EPHB2: variants seen among roughly 807,000 people sequenced by gnomAD.
EPHB2 encodes ephrin type-B receptor 2.
A neutral mutation model predicts 96.4 loss-of-function variants in EPHB2; 18 were observed. The ratio of observed to expected loss-of-function variants is 0.19; its 90% confidence interval spans 0.13 to 0.28. EPHB2 has a LOEUF of 0.28. Among genes scored for constraint, EPHB2 ranks in the 10% least tolerant of loss-of-function variants. EPHB2 has a pLI of 1.00. For synonymous variants in EPHB2, 506 were observed against 534.1 expected, an observed-to-expected ratio of 0.95 and a Z score of 0.72; for missense variants, 989 against 1,355.4, an observed-to-expected ratio of 0.73 and a Z score of 4.25.
intron 9 of EPHB2, among the ~76,000 whole-genome samples, chr1:22,899,666 T>C (rs1639687712): frequency 6.6e-6 from 1 of 152,130 alleles, no homozygotes; most frequent in South Asian, 2.1e-4. Flanking sequence ...CACATTTAAC[T>C]ACACAGAAAT....
At chr1:22,845,511 C>T (rs1251542980) in intron 3 of EPHB2, among the ~76,000 whole-genome samples, 1 of 152,116 alleles carries the variant, frequency 6.6e-6, no homozygotes, top group African/African-American at 2.4e-5. Context: ...AGTTGCCTCC[C>T]GACTCCTCAT....
rs548659891 is a variant in EPHB2 at position 22,919,788 on chromosome 1, C to T, written c.*6218C>T. 3.3e-5 allele frequency: 5 copies of T among 152,300 alleles called. No homozygotes were observed. The highest frequency in any genetic ancestry group is 1.3e-4 in the Admixed American group (2 of 15,298). 9.4% of individuals were successfully genotyped at this position (152,300 alleles called of 1,614,324 possible). On this transcript the variant is annotated 3_prime_UTR_variant, in exon 16 of 16. Coordinates refer to ENST00000374630, the MANE Select transcript of EPHB2 (RefSeq NM_017449.5). ...AGACTGCAAGAGTCATGAATTCTAA[C>T]GTTCCACAGGTGAAAGATTCCAAGA... is the stretch of plus-strand genomic sequence containing the variant.
At position 22,861,477 on chromosome 1, in the gene EPHB2, A is replaced by C. The variant is rs186157521; in HGVS notation, c.812-1560A>C. The stretch of plus-strand genomic sequence containing the variant: ...ACATAGTGAGACCCCCCATCTCTAC[A>C]AAAATAAAAATAAAATTAATAACAA... On this transcript the variant is annotated intron_variant, in intron 3 of 15. Transcript: ENST00000374630. Among the ~76,000 whole-genome samples the C allele has an allele frequency of 4.1e-3, 626 of 152,280 alleles. 2 individuals are homozygous for C. Among genetic ancestry groups the C allele is most frequent in the Middle Eastern group, 0.024 (7 of 294 alleles).
intron 3 of EPHB2, 126 bp from the exon 4 acceptor site, chr1:22,862,911 T>C: frequency 7.9e-7 from 1 of 1,272,728 alleles, no homozygotes; most frequent in Non-Finnish European, 1.1e-6. Context: ...GAGATGAGAT[T>C]TTCCAGCAGT....
At chr1:22,862,519 G>C (rs1638297634) in intron 3 of EPHB2, among the ~76,000 whole-genome samples, 1 of 152,178 alleles carries the variant, frequency 6.6e-6, no homozygotes, top group Admixed American at 6.5e-5. Flanking sequence ...AAAAGGCCTA[G>C]CCAGTACTCA....
chr1:22,887,328 A>G (rs1328640556), intron 6 of EPHB2, among the ~76,000 whole-genome samples: 1 of 152,162 alleles, frequency 6.6e-6, no homozygotes, highest in Non-Finnish European at 1.5e-5. Flanking sequence ...GCAAGTCCAC[A>G]GCCGGCTGTT....
At chr1:22,856,274 A>T (rs1005965793) in intron 3 of EPHB2, among the ~76,000 whole-genome samples, 7 of 152,204 alleles carry the variant, frequency 4.6e-5, no homozygotes, top group African/African-American at 1.4e-4. Context: ...CTCAGGGCTC[A>T]CTTGGTCAAT....
At chr1:22,799,330 G>T (rs1644810133) in intron 3 of EPHB2, among the ~76,000 whole-genome samples, 1 of 152,132 alleles carries the variant, frequency 6.6e-6, no homozygotes, top group African/African-American at 2.4e-5. Context: ...ACACCCACAA[G>T]CAGGAAGGTT....
At position 22,865,112 on chromosome 1, in the gene EPHB2, C is replaced by T; in HGVS notation, c.1203C>T (p.His401=). Residue 401 remains histidine (H), a synonymous_variant, in exon 5 of 16, where the codon CAC becomes CAT. Coordinates refer to ENST00000374630, the MANE Select transcript of EPHB2 (RefSeq NM_017449.5). ...PRIYISDLLA[H]TQYTFEIQAV... is the part of the protein sequence containing the mutation. ...TTTACATCAGTGACCTGCTGGCCCA[C>T]ACCCAGTACACCTTCGAGATCCAGG... 6.2e-7 allele frequency: 1 copy of T among 1,614,256 alleles called. No individual in the cohort carries two copies. Among genetic ancestry groups the T allele is most frequent in the Non-Finnish European group, 8.5e-7 (1 of 1,180,044 alleles).
intron 1 of EPHB2, among the ~76,000 whole-genome samples, chr1:22,762,972 C>A (rs1319024349): frequency 2.0e-5 from 3 of 152,130 alleles, no homozygotes; most frequent in Non-Finnish European, 4.4e-5. Context: ...CTATGACCAG[C>A]CACCACGCAG....
chr1:22,735,551 G>C (rs116524666), intron 1 of EPHB2, among the ~76,000 whole-genome samples: 2,348 of 152,268 alleles, frequency 0.015, 51 homozygotes, highest in African/African-American at 0.046. Context: ...CCCCAGGCCT[G>C]AGAGCAGGAA....
At chr1:22,739,360 C>T (rs1237152139) in intron 1 of EPHB2, among the ~76,000 whole-genome samples, 6 of 152,112 alleles carry the variant, frequency 3.9e-5, no homozygotes, top group South Asian at 2.1e-4. Context: ...GGACCGCAGG[C>T]GCATGCCAGC....
chr1:22,894,895 A>G (rs1469848282), intron 7 of EPHB2, among the ~76,000 whole-genome samples: 1 of 152,222 alleles, frequency 6.6e-6, no homozygotes, highest in East Asian at 1.9e-4. Context: ...AGTGACACAT[A>G]AAACACTCAG....
At chr1:22,745,788 C>T (rs1643965699) in intron 1 of EPHB2, among the ~76,000 whole-genome samples, 1 of 152,092 alleles carries the variant, frequency 6.6e-6, no homozygotes, top group Admixed American at 6.5e-5. Context: ...AAGGCTCGGG[C>T]TGGGCCTTGG....
intron 1 of EPHB2, among the ~76,000 whole-genome samples, chr1:22,777,751 A>G (rs565272314): frequency 6.6e-5 from 10 of 152,278 alleles, no homozygotes; most frequent in African/African-American, 2.4e-4. Flanking sequence ...GAGGCCAGGC[A>G]GACTAAGTTG....
intron 5 of EPHB2, among the ~76,000 whole-genome samples, chr1:22,874,901 G>A (rs1638788483): frequency 6.6e-6 from 1 of 152,148 alleles, no homozygotes; most frequent in South Asian, 2.1e-4. Flanking sequence ...AGGTTTCTGA[G>A]GCCAAATGAG....
chr1:22,762,896 T>A (rs1335923859), intron 1 of EPHB2, among the ~76,000 whole-genome samples: 1 of 152,118 alleles, frequency 6.6e-6, no homozygotes, highest in Non-Finnish European at 1.5e-5. Context: ...GGAGTGCTGG[T>A]GCCCAGTGAT....
At chr1:22,855,464 G>A (rs919087866) in intron 3 of EPHB2, among the ~76,000 whole-genome samples, 4 of 152,200 alleles carry the variant, frequency 2.6e-5, no homozygotes, top group African/African-American at 9.6e-5. Context: ...CTTAGTCATG[G>A]TCTCTTATGT....
rs1465371164 is a variant in EPHB2 at position 22,846,769 on chromosome 1, TC to T, written c.812-16266del. ...GCTTTTGTCTTGTCATTCTTAGTCT[TC>T]CAACGCAGCTCAAGTGTTTGCACCT... On this transcript the variant is annotated intron_variant, in intron 3 of 15. Coordinates refer to ENST00000374630, the MANE Select transcript of EPHB2 (RefSeq NM_017449.5). This position sits in a 1 kb window ranked among gnomAD's most constrained non-coding sequence, Gnocchi z 4.3. Among the ~76,000 whole-genome samples the T allele has an allele frequency of 6.6e-6, 1 of 152,216 alleles. No individual in the cohort carries two copies. The highest frequency in any genetic ancestry group is 1.5e-5 in the Non-Finnish European group (1 of 68,042).
Sources: gnomAD v4.1 joint callset for allele counts (sites outside exome capture counted in the v4.1 genomes callset) on GRCh38, gnomAD v4.1.1 for gene constraint, Gnocchi (gnomAD v3.1) non-coding constraint, MANE v1.5 for transcripts, NCBI Gene and HGNC (gene_info 2026-07-23, HGNC 2026-07-21) for gene names.